TRERF1: variants seen among roughly 807,000 people sequenced by gnomAD.
The protein encoded by TRERF1 is transcriptional-regulating factor 1.
TRERF1 carries 27 observed loss-of-function variants against 122.9 expected under a neutral mutation model. The ratio of observed to expected loss-of-function variants is 0.22; its 90% confidence interval spans 0.16 to 0.30. TRERF1 has a LOEUF of 0.30. Among genes scored for constraint, TRERF1 ranks in the 10% least tolerant of loss-of-function variants. The pLI is 1.00. For synonymous variants in TRERF1, 636 were observed against 641.7 expected, an observed-to-expected ratio of 0.99 and a Z score of 0.13; for missense variants, 1,248 against 1,560.3, an observed-to-expected ratio of 0.80 and a Z score of 3.37.
Position 42,262,541 on chromosome 6 carries a change from G to C in TRERF1, c.1884+779C>G, listed in dbSNP as rs867946178. 1.3e-3 allele frequency among the ~76,000 whole-genome samples: 105 copies of C among 82,066 alleles called. 10 individuals are homozygous for C. The highest frequency in any genetic ancestry group is 6.3e-3 in the East Asian group (14 of 2,212). 53.8% of individuals were successfully genotyped at this position (82,066 alleles called of 152,430 possible). On this transcript the variant is annotated intron_variant, in intron 8 of 17. Transcript: ENST00000372922. Reference sequence around the variant, plus strand: ...AGAGAGAGAGAGAGAGAGAGAGAGAGAGAGAGAGAGAGAGAGAGAGAGAGA... The same window carrying C: ...AGAGAGAGAGAGAGAGAGAGAGAGACAGAGAGAGAGAGAGAGAGAGAGAGA...
chr6:42,389,414 G>A (rs1777335531), intron 2 of TRERF1, among the ~76,000 whole-genome samples: 2 of 152,200 alleles, frequency 1.3e-5, no homozygotes, highest in South Asian at 2.1e-4. Flanking sequence ...AGAGACGCAG[G>A]CTGTGACAAG....
chr6:42,275,023 TAGAGAC>T lies in TRERF1; in HGVS notation c.-258-5181_-258-5176del, dbSNP rs1780920364. On this transcript the variant is annotated intron_variant, in intron 4 of 17. Coordinates refer to ENST00000372922, the Ensembl canonical transcript of TRERF1. The surrounding 1 kb of genome is among the most constrained non-coding windows in gnomAD (Gnocchi z 4.1). ...TCAATCAGGTTCTTATATATCCTCC[TAGAGAC>T]ACTTTATGCTCATACAAGAACACTA... Among the ~76,000 whole-genome samples the T allele has an allele frequency of 6.6e-6, 1 of 152,192 alleles. No homozygotes were observed. The highest frequency in any genetic ancestry group is 1.5e-5 in the Non-Finnish European group (1 of 68,030).
chr6:42,243,921 G>A (rs1233672987), intron 14 of TRERF1, among the ~76,000 whole-genome samples: 1 of 123,468 alleles, frequency 8.1e-6, no homozygotes, highest in African/African-American at 3.2e-5. Context: ...CTCTGTTGCC[G>A]AGGCTGGAGT....
chr6:42,272,314 T>C (rs1780363839), intron 4 of TRERF1, among the ~76,000 whole-genome samples: 1 of 151,890 alleles, frequency 6.6e-6, no homozygotes, highest in Non-Finnish European at 1.5e-5. Flanking sequence ...AGATGAGGGG[T>C]TGCATTTGGT....
intron 4 of TRERF1, among the ~76,000 whole-genome samples, chr6:42,274,240 A>G (rs1780758652): frequency 6.6e-6 from 1 of 152,182 alleles, no homozygotes. Context: ...AGTCCGATGC[A>G]CGCTTAAGTT....
chr6:42,431,592 C>A (rs1582194050), intron 2 of TRERF1, among the ~76,000 whole-genome samples: 1 of 152,108 alleles, frequency 6.6e-6, no homozygotes, highest in African/African-American at 2.4e-5. Flanking sequence ...CTAAGTAGAA[C>A]TGGAGGAAGG....
At chr6:42,378,983 G>T (rs947166302) in intron 2 of TRERF1, among the ~76,000 whole-genome samples, 2 of 152,074 alleles carry the variant, frequency 1.3e-5, no homozygotes, top group African/African-American at 2.4e-5. Context: ...GGCAGGCATG[G>T]TGGCATGCAC....
chr6:42,226,165 T>C (rs557427019), exon 18 of TRERF1: 1 of 152,382 alleles, frequency 6.6e-6, no homozygotes, highest in South Asian at 2.1e-4. Flanking sequence ...CCTTATGCTA[T>C]ACTGCATGGA....
At position 42,348,012 on chromosome 6, in the gene TRERF1, G is replaced by A. The variant is rs532126350; in HGVS notation, c.-371+14985C>T. Among the ~76,000 whole-genome samples, 14 of 152,318 alleles carry A rather than the reference G, an allele frequency of 9.2e-5. 1 individual carries two copies. Among genetic ancestry groups the A allele is most frequent in the Admixed American group, 3.3e-4 (5 of 15,302 alleles). On this transcript the variant is annotated intron_variant, in intron 3 of 17. Coordinates refer to ENST00000372922, the Ensembl canonical transcript of TRERF1. ...GTTTCTAAATGGCACACCTATCCAC[G>A]CATCTTTGGCTTGAGTAAATAGGAA...
At chr6:42,445,912 TG>T (rs1333131043) in intron 2 of TRERF1, among the ~76,000 whole-genome samples, 1 of 152,050 alleles carries the variant, frequency 6.6e-6, no homozygotes, top group East Asian at 1.9e-4. Flanking sequence ...TTTGTTTGTT[TG>T]TTTTGTTGTT....
chr6:42,405,761 T>C (rs1780081670), intron 2 of TRERF1, among the ~76,000 whole-genome samples: 1 of 150,772 alleles, frequency 6.6e-6, no homozygotes, highest in Non-Finnish European at 1.5e-5. Flanking sequence ...CACCATTGCA[T>C]TCTATCCTGG....
At position 42,409,856 on chromosome 6, in the gene TRERF1, C is replaced by T. The variant is rs1562156621; in HGVS notation, c.-454+41321G>A. ...CAGCCCCTGTGTAAGGATTGCTACA[C>T]GGTTATACACAAACAGGCTCTTTAT... On this transcript the variant is annotated intron_variant, in intron 2 of 17. Transcript: ENST00000372922. 2.6e-5 allele frequency among the ~76,000 whole-genome samples: 4 copies of T among 152,278 alleles called. No homozygotes were observed. In the South Asian group the frequency reaches 8.3e-4, roughly 32 times the overall value.
intron 2 of TRERF1, among the ~76,000 whole-genome samples, chr6:42,399,728 G>C (rs1018861897): frequency 6.6e-5 from 10 of 152,202 alleles, no homozygotes; most frequent in African/African-American, 2.4e-4. Flanking sequence ...AGGGAGTAGG[G>C]AGGAGAGAAC....
intron 3 of TRERF1, among the ~76,000 whole-genome samples, chr6:42,327,155 A>G (rs1045836937): frequency 3.3e-5 from 5 of 152,182 alleles, no homozygotes; most frequent in African/African-American, 1.2e-4. Context: ...CTGATTCTCC[A>G]CCATTCCTTC....
At chr6:42,344,139 CTTG>C in intron 3 of TRERF1, among the ~76,000 whole-genome samples, 1 of 152,338 alleles carries the variant, frequency 6.6e-6, no homozygotes, top group East Asian at 1.9e-4. Flanking sequence ...GACCGAACTG[CTTG>C]GAGTCTCAAG....
intron 3 of TRERF1, among the ~76,000 whole-genome samples, chr6:42,360,856 C>T (rs751296475): frequency 2.7e-5 from 4 of 150,756 alleles, no homozygotes; most frequent in African/African-American, 4.9e-5. Context: ...CCCTGCAGTC[C>T]ACCCTATCCC....
chr6:42,384,720 A>C (rs1776502997), intron 2 of TRERF1, among the ~76,000 whole-genome samples: 1 of 152,192 alleles, frequency 6.6e-6, no homozygotes. Context: ...AGTCAGCTAC[A>C]ATTTTAAATC....
At chr6:42,336,841 G>C (rs987398567) in intron 3 of TRERF1, among the ~76,000 whole-genome samples, 5 of 152,204 alleles carry the variant, frequency 3.3e-5, no homozygotes, top group African/African-American at 1.2e-4. Flanking sequence ...CTGCTGCTTA[G>C]TGTTTGTTCA....
At chr6:42,240,372 T>G (rs1773413046) in intron 15 of TRERF1, among the ~76,000 whole-genome samples, 1 of 152,184 alleles carries the variant, frequency 6.6e-6, no homozygotes, top group Non-Finnish European at 1.5e-5. Context: ...TTGCCCCTCT[T>G]CCAAAACACG....
Sources: gnomAD v4.1 joint callset for allele counts (sites outside exome capture counted in the v4.1 genomes callset) on GRCh38, gnomAD v4.1.1 for gene constraint, Gnocchi (gnomAD v3.1) non-coding constraint, MANE v1.5 for transcripts, NCBI Gene and HGNC (gene_info 2026-07-23, HGNC 2026-07-21) for gene names.